The following ACBD5 variants were observed in gnomAD, a reference collection of about 807,000 sequenced individuals.
ACBD5 encodes the protein acyl-CoA-binding domain-containing protein 5.
Under a neutral mutation model 71.8 loss-of-function variants are expected in ACBD5, and 40 were observed. That is an observed-to-expected ratio of 0.56 (90% confidence interval 0.43 to 0.72). The LOEUF (loss-of-function observed/expected upper bound fraction) is 0.72. ACBD5 is among the 30% of genes least tolerant of loss of function. The pLI is 0.00. For synonymous variants in ACBD5, 229 were observed against 218.6 expected, an observed-to-expected ratio of 1.05 and a Z score of -0.42; for missense variants, 559 against 644.5, an observed-to-expected ratio of 0.87 and a Z score of 1.44.
At chr10:27,188,095 A>C (rs2058882373) in intron 13 of ACBD5, among the ~76,000 whole-genome samples, 1 of 152,198 alleles carries the variant, frequency 6.6e-6, no homozygotes, top group South Asian at 2.1e-4. Context: ...AATGTAGTTG[A>C]CAAAATGTAC....
At chr10:27,240,966 G>A, upstream of ACBD5, 3 of 590,092 alleles carry the variant, frequency 5.1e-6, no homozygotes, top group Non-Finnish European at 9.0e-6. The surrounding 1 kb of genome is among the most constrained non-coding windows in gnomAD (Gnocchi z 4.1). Context: ...AGCGGGGAAA[G>A]GGGGCCACAG....
In ACBD5 at chr10:27,236,299, G is replaced by A. The variant is rs920288591; in HGVS notation, c.182-1087C>T. Reference sequence around the variant, plus strand: ...TATATTGTAGAAAAATATAAATAATGGTATAAGTTCCATGATCTACTATAA... The same window carrying A: ...TATATTGTAGAAAAATATAAATAATAGTATAAGTTCCATGATCTACTATAA... On this transcript the variant is annotated intron_variant, in intron 2 of 12. Coordinates refer to ENST00000396271, the MANE Select transcript of ACBD5 (RefSeq NM_145698.5). 2.0e-5 allele frequency among the ~76,000 whole-genome samples: 3 copies of A among 151,800 alleles called. No individual in the cohort carries two copies. In the South Asian group the frequency reaches 6.3e-4, roughly 32 times the overall value.
chr10:27,193,150 T>C (rs1293431063), downstream of ACBD5, among the ~76,000 whole-genome samples: 5 of 127,886 alleles, frequency 3.9e-5, no homozygotes, highest in African/African-American at 1.5e-4. Flanking sequence ...TGTGTGTGTG[T>C]GTGTGTGTGT....
chr10:27,216,209 C>T (rs1425489039), intron 7 of ACBD5, among the ~76,000 whole-genome samples: 2 of 151,306 alleles, frequency 1.3e-5, no homozygotes, highest in South Asian at 2.1e-4. Flanking sequence ...GGTGTGATCT[C>T]GGCTCACTGC....
intron 4 of ACBD5, among the ~76,000 whole-genome samples, chr10:27,229,783 T>G (rs1480547509): frequency 6.6e-6 from 1 of 152,206 alleles, no homozygotes; most frequent in African/African-American, 2.4e-5. Flanking sequence ...TATCTTGATA[T>G]TTTTAGGTTT....
intron 3 of ACBD5, among the ~76,000 whole-genome samples, chr10:27,234,846 C>T (rs974302852): frequency 1.3e-5 from 2 of 152,160 alleles, no homozygotes; most frequent in Admixed American, 6.5e-5. Flanking sequence ...GCAGGAGAAT[C>T]ACTTGAACCC....
intron 12 of ACBD5, 53 bp from the exon 13 acceptor site, chr10:27,197,495 C>A (rs76471724): frequency 1.5e-6 from 2 of 1,308,530 alleles, no homozygotes; most frequent in East Asian, 4.8e-5. Flanking sequence ...GCAAATAATT[C>A]TCTGGATGGT....
Position 27,240,421 on chromosome 10 carries a change from C to G in ACBD5, c.79G>C (p.Asp27His), listed in dbSNP as rs1322098433. ...TCCAGCTGCCAGTGTTGGCCCCGGT[C>G]CCAAGGTCTGTCGGCGGGAATCAGG... is the stretch of plus-strand genomic sequence containing the variant. Reference protein sequence around the residue: ...CCLIPADRPWDRGQHWQLEMA... With the variant: ...CCLIPADRPWHRGQHWQLEMA... The change falls in exon 2 of 13, where the codon GAC (aspartate) becomes CAC (histidine). Residue 27 changes from aspartate (D) to histidine (H), a missense_variant. Asp to His is a moderately conservative substitution (Grantham distance 81). Coordinates refer to ENST00000396271, the MANE Select transcript of ACBD5 (RefSeq NM_145698.5). This position sits in a 1 kb window ranked among gnomAD's most constrained non-coding sequence, Gnocchi z 4.1. 2 of 1,614,112 alleles carry G rather than the reference C, an allele frequency of 1.2e-6. No individual in the cohort carries two copies. Among genetic ancestry groups the G allele is most frequent in the East Asian group, 2.2e-5 (1 of 44,864 alleles).
chr10:27,219,608 C>G (rs1017217562), intron 6 of ACBD5, 115 bp downstream of exon 6: 12 of 1,418,282 alleles, frequency 8.5e-6, no homozygotes, highest in Admixed American at 1.7e-5. Flanking sequence ...ATAAGGTCAA[C>G]AGCTTACATC....
chr10:27,228,572 G>A lies in ACBD5; in HGVS notation c.375+3176C>T, dbSNP rs545681877. Among the ~76,000 whole-genome samples the A allele has an allele frequency of 1.3e-4, 20 of 150,366 alleles. No homozygotes were observed. The South Asian group carries it at 4.2e-3, about 32-fold the overall frequency. On this transcript the variant is annotated intron_variant, in intron 4 of 12. Coordinates refer to ENST00000396271, the MANE Select transcript of ACBD5 (RefSeq NM_145698.5). ...AGCCCAGGCGACAGTGCGAGACTCC[G>A]TCTCAAAAAAAAAAGAATTTTATAC...
Position 27,231,481 on chromosome 10 carries a change from C to T in ACBD5, c.375+267G>A, listed in dbSNP as rs534553055. 6.6e-5 allele frequency among the ~76,000 whole-genome samples: 10 copies of T among 152,318 alleles called. No homozygotes were observed. In the South Asian group the frequency reaches 2.1e-3, roughly 32 times the overall value. ...GCAGTGAGCCAATGTCATGCCACTG[C>T]ACTCCAGCCTGGGCTACAGAGAAAG... On this transcript the variant is annotated intron_variant, in intron 4 of 12. Transcript: ENST00000396271.
intron 8 of ACBD5, among the ~76,000 whole-genome samples, chr10:27,215,256 C>T (rs1405303147): frequency 1.3e-5 from 2 of 152,054 alleles, no homozygotes; most frequent in Non-Finnish European, 2.9e-5. Context: ...AAAGTGTTTT[C>T]TCTGCATCCC....
intron 7 of ACBD5, among the ~76,000 whole-genome samples, chr10:27,216,384 G>A (rs111356577): frequency 0.07 from 10,608 of 151,960 alleles, 695 homozygotes; most frequent in African/African-American, 0.17. Flanking sequence ...CAGGTGATCC[G>A]CCTGCCTTAG....
rs200784753 is a variant in ACBD5, at chr10:27,221,619, A to AT, written c.490+1718dup. Among the ~76,000 whole-genome samples the AT allele has an allele frequency of 2.4e-3, 358 of 150,440 alleles. 4 individuals are homozygous for AT. The East Asian group carries it at 0.037, about 15-fold the overall frequency. On this transcript the variant is annotated intron_variant, in intron 5 of 12. Coordinates refer to ENST00000396271, the MANE Select transcript of ACBD5 (RefSeq NM_145698.5). ...ATGCCTGACATACATAAAACATTTAATTTTTTTTTTCTGGCAGGGTACAAT... is the reference window on the plus strand; with the variant it reads ...ATGCCTGACATACATAAAACATTTAATTTTTTTTTTTCTGGCAGGGTACAAT...
chr10:27,206,311 TA>T (rs975197298), intron 10 of ACBD5, among the ~76,000 whole-genome samples: 130 of 143,278 alleles, frequency 9.1e-4, no homozygotes, highest in South Asian at 1.5e-3. Flanking sequence ...AAATATTCTT[TA>T]AAAAAAAAAA....
Position 27,211,056 on chromosome 10 carries a change from T to C in ACBD5, c.962A>G (p.Asn321Ser), listed in dbSNP as rs768365855. The part of the protein sequence containing the change: ...EESLDSFTSN[N>S]GPFQYYLGGH... The stretch of plus-strand genomic sequence containing the variant: ...ACCCAAGTAATACTGAAATGGTCCA[T>C]TGTTGGACGTAAAGCTGTCTAAAGA... The change falls in exon 9 of 13, where the codon AAT becomes AGT. Residue 321 changes from asparagine to serine, a missense_variant. Asn to Ser is a conservative substitution (Grantham distance 46). Transcript: ENST00000396271. 6.2e-7 allele frequency: 1 copy of C among 1,614,166 alleles called. No individual in the cohort carries two copies. The highest frequency in any genetic ancestry group is 8.5e-7 in the Non-Finnish European group (1 of 1,180,036).
intron 12 of ACBD5, among the ~76,000 whole-genome samples, chr10:27,202,077 A>T (rs1006968879): frequency 1.3e-5 from 2 of 152,122 alleles, no homozygotes; most frequent in African/African-American, 2.4e-5. Flanking sequence ...TCAGATTTCT[A>T]GACCTTTCTT....
chr10:27,194,471 G>A (rs978268640), downstream of ACBD5, among the ~76,000 whole-genome samples: 1 of 151,258 alleles, frequency 6.6e-6, no homozygotes, highest in African/African-American at 2.4e-5. Context: ...AATTAGCCAG[G>A]TGTGGTGGTG....
chr10:27,228,815 A>ATATATATT (rs1554856598), intron 4 of ACBD5, among the ~76,000 whole-genome samples: 3 of 20,358 alleles, frequency 1.5e-4, no homozygotes, highest in African/African-American at 3.5e-4. Context: ...ATATATATAT[A>ATATATATT]TTTTTTTTTT....
Sources: gnomAD v4.1 joint callset for allele counts (sites outside exome capture counted in the v4.1 genomes callset) on GRCh38, gnomAD v4.1.1 for gene constraint, Gnocchi (gnomAD v3.1) non-coding constraint, MANE v1.5 for transcripts, NCBI Gene and HGNC (gene_info 2026-07-23, HGNC 2026-07-21) for gene names.